DYSF: variants seen among roughly 807,000 people sequenced by gnomAD.
DYSF encodes dysferlin, also known as dystrophy-associated fer-1-like 1.
Under a neutral mutation model 274.9 loss-of-function variants are expected in DYSF, and 212 were observed. That is an observed-to-expected ratio of 0.77 (90% CI 0.69 to 0.86). DYSF has a LOEUF of 0.86. Ranked by LOEUF, DYSF falls within the 40% of genes least tolerant of loss-of-function variation. The pLI is 0.00. For synonymous variants in DYSF, 1,091 were observed against 1,078.7 expected (o/e 1.01, Z -0.22); for missense variants, 2,666 against 2,783.2 (o/e 0.96, Z 0.95).
At position 71,535,049 on chromosome 2, in the gene DYSF, C is replaced by A; in HGVS notation, c.1409C>A (p.Ala470Asp). The change falls in exon 15 of 56, where the codon GCC (alanine) becomes GAC (aspartate). Residue 470 changes from alanine to aspartate, a missense_variant. Ala to Asp is a moderately radical substitution (Grantham distance 126). Transcript: ENST00000410020. ...TGCAGCAAGATCTTGGAGAAGACGG[C>A]CAACCCTCAGTGGAACCAGAACATC... is the stretch of plus-strand genomic sequence containing the variant. ...MLCSKILEKTANPQWNQNITL... is the reference protein window; with the variant it reads ...MLCSKILEKTDNPQWNQNITL... The A allele has an allele frequency of 6.2e-7, 1 of 1,614,158 alleles. No homozygotes were observed. The highest frequency in any genetic ancestry group is 8.5e-7 in the Non-Finnish European group (1 of 1,180,016).
At chr2:71,604,164 C>T (rs2093605910) in intron 36 of DYSF, among the ~76,000 whole-genome samples, 2 of 152,082 alleles carry the variant, frequency 1.3e-5, no homozygotes, top group African/African-American at 2.4e-5. Flanking sequence ...TCTGCTGGTC[C>T]AGGGACCAGC....
At chr2:71,531,412 A>G (rs2088685015) in intron 14 of DYSF, among the ~76,000 whole-genome samples, 2 of 152,090 alleles carry the variant, frequency 1.3e-5, no homozygotes, top group South Asian at 4.1e-4. Flanking sequence ...GCTTTGAAAA[A>G]TTTGAGTCTC....
At chr2:71,621,601 AT>A (rs1334396712) in intron 41 of DYSF, among the ~76,000 whole-genome samples, 1 of 114,780 alleles carries the variant, frequency 8.7e-6, no homozygotes, top group Admixed American at 1.0e-4. Context: ...ATATATGAAT[AT>A]TTTTCCATAT....
At chr2:71,572,388 G>A (rs2092545310) in intron 29 of DYSF, among the ~76,000 whole-genome samples, 1 of 152,048 alleles carries the variant, frequency 6.6e-6, no homozygotes, top group Non-Finnish European at 1.5e-5. Context: ...GATGCTTATA[G>A]ACAGACACAC....
At chr2:71,465,564 G>C (rs577957533), upstream of DYSF, among the ~76,000 whole-genome samples, 1 of 152,212 alleles carries the variant, frequency 6.6e-6, no homozygotes, top group African/African-American at 2.4e-5. Context: ...CACAGCACTG[G>C]TTGGGGGCAG....
intron 16 of DYSF, among the ~76,000 whole-genome samples, chr2:71,538,559 A>G (rs2089615677): frequency 1.3e-5 from 2 of 152,214 alleles, no homozygotes; most frequent in Admixed American, 6.5e-5. Context: ...CATGGGTGCA[A>G]CAGAGATAAT....
At chr2:71,594,174 C>T (rs936644601) in intron 32 of DYSF, among the ~76,000 whole-genome samples, 1 of 152,194 alleles carries the variant, frequency 6.6e-6, no homozygotes, top group African/African-American at 2.4e-5. Context: ...CAGATTCAGA[C>T]TCAGTCCTGG....
At chr2:71,530,702 C>T (rs996140466) in intron 14 of DYSF, among the ~76,000 whole-genome samples, 14 of 152,194 alleles carry the variant, frequency 9.2e-5, no homozygotes, top group African/African-American at 3.4e-4. Flanking sequence ...CCTCGGTGGA[C>T]CCCAGGCCTT....
intron 17 of DYSF, chr2:71,549,535 C>G (rs1452854128): frequency 1.3e-6 from 1 of 767,554 alleles, no homozygotes; most frequent in African/African-American, 1.8e-5. Flanking sequence ...CCTGGACTTA[C>G]CTTTGCTGTC....
Position 71,598,552 on chromosome 2 carries a change from C to T in DYSF, c.3575-12C>T, listed in dbSNP as rs200680233. 528 of 1,614,144 alleles carry T rather than the reference C, an allele frequency of 3.3e-4. 1 individual carries two copies. In the African/African-American group the frequency reaches 6.3e-3, roughly 19 times the overall value. Reference sequence around the variant, plus strand: ...GTGTCCTGTCTCCCCTCCCCCTCTCCGGCCCATGCAGATCCCTATGCCATC... The same window carrying T: ...GTGTCCTGTCTCCCCTCCCCCTCTCTGGCCCATGCAGATCCCTATGCCATC... On this transcript the variant is annotated splice_polypyrimidine_tract_variant and intron_variant, in intron 32 of 55. Transcript: ENST00000410020.
chr2:71,455,476 C>A (rs181560906), intron 1 of DYSF, among the ~76,000 whole-genome samples: 8 of 152,308 alleles, frequency 5.3e-5, no homozygotes, highest in African/African-American at 1.4e-4. Flanking sequence ...ACGTGGCCTC[C>A]GGAAATGAGC....
chr2:71,568,140 CT>C (rs778521314), intron 25 of DYSF, 31 bp from the exon 26 acceptor site: 2 of 1,614,122 alleles, frequency 1.2e-6, no homozygotes, highest in Admixed American at 1.7e-5. Context: ...CCTTGGCCCC[CT>C]GCTCACGCCT....
chr2:71,624,488 G>A (rs1484435388), intron 41 of DYSF, among the ~76,000 whole-genome samples: 1 of 152,156 alleles, frequency 6.6e-6, no homozygotes, highest in African/African-American at 2.4e-5. Flanking sequence ...TCTACTTTCT[G>A]TGCTCTTAAA....
At chr2:71,500,752 C>T (rs2084897760) in intron 3 of DYSF, among the ~76,000 whole-genome samples, 1 of 152,056 alleles carries the variant, frequency 6.6e-6, no homozygotes, top group Non-Finnish European at 1.5e-5. Flanking sequence ...CTGCCATGTA[C>T]AGCTCTCTGG....
At chr2:71,518,157 T>C (rs113832847) in intron 10 of DYSF, among the ~76,000 whole-genome samples, 5,077 of 152,132 alleles carry the variant, frequency 0.033, 128 homozygotes, top group Non-Finnish European at 0.04. Context: ...AGTCCAGAAG[T>C]GAATAGTCCT....
Position 71,665,072 on chromosome 2 carries a change from G to A in DYSF, c.5175-90G>A, listed in dbSNP as rs928500172. 2.9e-5 allele frequency: 47 copies of A among 1,598,992 alleles called. No homozygotes were observed. In the African/African-American group the frequency reaches 6.0e-4, roughly 20 times the overall value. The stretch of plus-strand genomic sequence containing the variant: ...GTAAAAGCAAGGAGTGGGCAATGCT[G>A]TACATGGGGGTACACCAGTCCCTGC... On this transcript the variant is annotated intron_variant, in intron 46 of 55. Transcript: ENST00000410020.
intron 21 of DYSF, 33 bp from the exon 22 acceptor site, chr2:71,555,932 G>T: frequency 2.0e-6 from 3 of 1,526,974 alleles, no homozygotes; most frequent in South Asian, 1.2e-5. Flanking sequence ...GCCCTGTGGT[G>T]ACACACCTGA....
At position 71,531,713 on chromosome 2, in the gene DYSF, C is replaced by T. The variant is rs190299069; in HGVS notation, c.1381-3308C>T. Among the ~76,000 whole-genome samples the T allele has an allele frequency of 1.5e-3, 222 of 152,104 alleles. 1 individual carries two copies. Among genetic ancestry groups the T allele is most frequent in the African/African-American group, 5.1e-3 (210 of 41,492 alleles). The stretch of plus-strand genomic sequence containing the variant: ...GTTTAAAATGGCCCCAAATGTCGTG[C>T]TGAAGTGCTGTCTGGCGTTCCTCAG... On this transcript the variant is annotated intron_variant, in intron 14 of 55. Coordinates refer to ENST00000410020, the MANE Select transcript of DYSF (RefSeq NM_001130987.2).
intron 20 of DYSF, 88 bp from the exon 21 acceptor site, chr2:71,553,719 G>A (rs2091126656): frequency 8.7e-7 from 1 of 1,155,098 alleles, no homozygotes; most frequent in East Asian, 2.7e-5. Flanking sequence ...CCTAGCCCTG[G>A]AGTGCCCAGG....
Sources: gnomAD v4.1 joint callset for allele counts (sites outside exome capture counted in the v4.1 genomes callset) on GRCh38, gnomAD v4.1.1 for gene constraint, MANE v1.5 for transcripts, NCBI Gene and HGNC (gene_info 2026-07-23, HGNC 2026-07-21) for gene names.